Variants in SMAD2 observed in about 807,000 individuals in gnomAD.
SMAD2 encodes the protein MAD homolog 2.
SMAD2 carries 8 observed loss-of-function variants against 64.4 expected under a neutral mutation model. The observed-to-expected ratio is 0.12, with a 90% CI of 0.07 to 0.22. The LOEUF (loss-of-function observed/expected upper bound fraction) is 0.22, where lower values mean the gene tolerates loss of function less well. SMAD2 is among the 10% of genes least tolerant of loss of function. SMAD2 has a pLI of 1.00. For synonymous variants in SMAD2, 203 were observed against 195.8 expected (o/e 1.04, Z -0.31); for missense variants, 289 against 561.2 (o/e 0.51, Z 4.90).
chr18:47,820,740 T>G lies in SMAD2; in HGVS notation c.*21087A>C, dbSNP rs189663565. On this transcript the variant is annotated 3_prime_UTR_variant, in exon 11 of 11. Transcript: ENST00000262160. ...AAGGATACATTTATGAAAGGAGTTGTGTGTAATGAAGTTGGCAATAGGTCA... is the reference window on the plus strand; with the variant it reads ...AAGGATACATTTATGAAAGGAGTTGGGTGTAATGAAGTTGGCAATAGGTCA... The G allele has an allele frequency of 3.3e-5, 5 of 152,310 alleles. No homozygotes were observed. The allele number at this position is 152,310 out of a possible 1,614,324, so 9.4% of individuals were successfully genotyped here.
intron 3 of SMAD2, among the ~76,000 whole-genome samples, chr18:47,869,893 TG>T (rs2031828088): frequency 6.6e-6 from 1 of 152,176 alleles, no homozygotes; most frequent in Non-Finnish European, 1.5e-5. Context: ...CTCAGACTAC[TG>T]CAACTCTTTA....
chr18:47,845,873 G>A (rs1160371609), intron 8 of SMAD2, 73 bp from the exon 9 acceptor site: 1 of 1,363,920 alleles, frequency 7.3e-7, no homozygotes, highest in South Asian at 1.2e-5. Flanking sequence ...GCATTTTCTT[G>A]GAAAAATTCT....
At position 47,811,005 on chromosome 18, in the gene SMAD2, C is replaced by T. The variant is rs1486688844; in HGVS notation, c.*30822G>A. 6.6e-6 allele frequency: 1 copy of T among 152,198 alleles called. No homozygotes were observed. The highest frequency in any genetic ancestry group is 1.9e-4 in the East Asian group (1 of 5,184). The allele number at this position is 152,198 out of a possible 1,614,324, so 9.4% of individuals were successfully genotyped here. A position where few individuals can be genotyped will look rare whatever the true frequency, so the allele number is the denominator to read the frequency against. On this transcript the variant is annotated 3_prime_UTR_variant, in exon 11 of 11. Coordinates refer to ENST00000262160, the MANE Select transcript of SMAD2 (RefSeq NM_005901.6). ...TGTTGGCATGAGCACTACGATCCCC[C>T]AAGGAGTGGAATGCAGTAGCTACAG...
intron 8 of SMAD2, among the ~76,000 whole-genome samples, chr18:47,847,235 C>A (rs1464389934): frequency 2.6e-5 from 4 of 151,990 alleles, no homozygotes; most frequent in African/African-American, 4.8e-5. Flanking sequence ...ATAAGATTAT[C>A]CAAATTTATA....
intron 2 of SMAD2, among the ~76,000 whole-genome samples, chr18:47,891,876 T>G: frequency 6.6e-6 from 1 of 152,142 alleles, no homozygotes; most frequent in Non-Finnish European, 1.5e-5. Flanking sequence ...GTGCTGACTA[T>G]AAAAGTGATA....
intron 6 of SMAD2, among the ~76,000 whole-genome samples, chr18:47,859,388 T>C (rs1194758205): frequency 3.9e-5 from 6 of 152,162 alleles, no homozygotes; most frequent in Non-Finnish European, 8.8e-5. Context: ...TCCAACTATA[T>C]ATGGAACTCT....
intron 1 of SMAD2, among the ~76,000 whole-genome samples, chr18:47,914,691 G>A (rs998793795): frequency 2.0e-5 from 3 of 151,936 alleles, no homozygotes; most frequent in African/African-American, 7.3e-5. Context: ...CTGATCACAC[G>A]CATTCTGTTA....
chr18:47,829,426 G>C lies in SMAD2; in HGVS notation c.*12401C>G, dbSNP rs1045228087. 4 of 149,308 alleles carry C rather than the reference G, an allele frequency of 2.7e-5. No individual in the cohort carries two copies. Among genetic ancestry groups the C allele is most frequent in the African/African-American group, 7.4e-5 (3 of 40,776 alleles). The allele number at this position is 149,308 out of a possible 1,614,324, so 9.2% of individuals were successfully genotyped here. On this transcript the variant is annotated 3_prime_UTR_variant, in exon 11 of 11. Coordinates refer to ENST00000262160, the MANE Select transcript of SMAD2 (RefSeq NM_005901.6). ...AAAAAAGCACATCCACTTTTACAAT[G>C]GTCACATACAAATGGGGAAAGAGTG... is the stretch of plus-strand genomic sequence containing the variant.
chr18:47,924,248 CAAAAAA>C (rs201933597), intron 1 of SMAD2, among the ~76,000 whole-genome samples: 1 of 99,758 alleles, frequency 1.0e-5, no homozygotes, highest in African/African-American at 4.0e-5. Flanking sequence ...AACTCCGTCT[CAAAAAA>C]AAAAAAAAAA....
rs948468007 is a variant in SMAD2, at chr18:47,823,013, A to G, written c.*18814T>C. On this transcript the variant is annotated 3_prime_UTR_variant, in exon 11 of 11. Coordinates refer to ENST00000262160, the MANE Select transcript of SMAD2 (RefSeq NM_005901.6). The stretch of plus-strand genomic sequence containing the variant: ...CCTATTTGTGAGTACTCTTAAGGCA[A>G]TATGATTTGCCTAAGTTCAATAAAA... 1.4e-4 allele frequency: 21 copies of G among 152,196 alleles called. No individual in the cohort carries two copies. Among genetic ancestry groups the G allele is most frequent in the African/African-American group, 4.8e-4 (20 of 41,454 alleles). 9.4% of individuals were successfully genotyped at this position (152,196 alleles called of 1,614,324 possible).
chr18:47,926,150 T>C (rs2034753762), intron 1 of SMAD2, among the ~76,000 whole-genome samples: 2 of 152,234 alleles, frequency 1.3e-5, no homozygotes, highest in Non-Finnish European at 1.5e-5. Context: ...GCTGTCTGAA[T>C]GGCAAAACAA....
At chr18:47,889,231 C>T (rs536983803) in intron 2 of SMAD2, among the ~76,000 whole-genome samples, 1 of 152,286 alleles carries the variant, frequency 6.6e-6, no homozygotes, top group African/African-American at 2.4e-5. Flanking sequence ...TCTCACCTCT[C>T]TCCATAGTCC....
At chr18:47,869,716 G>A (rs1033314258) in intron 3 of SMAD2, among the ~76,000 whole-genome samples, 1 of 152,276 alleles carries the variant, frequency 6.6e-6, no homozygotes, top group South Asian at 2.1e-4. Context: ...TTAAAAAAGA[G>A]AGTTTATGCA....
chr18:47,884,845 A>G (rs1274538403), intron 2 of SMAD2, among the ~76,000 whole-genome samples: 1 of 152,136 alleles, frequency 6.6e-6, no homozygotes, highest in Non-Finnish European at 1.5e-5. Context: ...ATTGAAAAAA[A>G]CTTTCTCAAT....
chr18:47,867,950 G>A (rs566748030), intron 5 of SMAD2, among the ~76,000 whole-genome samples: 5 of 152,114 alleles, frequency 3.3e-5, no homozygotes, highest in African/African-American at 4.8e-5. Flanking sequence ...ATCATTGGGT[G>A]GATATTCAGT....
At chr18:47,868,718 A>G (rs1358518341) in intron 4 of SMAD2, among the ~76,000 whole-genome samples, 4 of 152,176 alleles carry the variant, frequency 2.6e-5, no homozygotes, top group Non-Finnish European at 5.9e-5. Context: ...ATATTACCAT[A>G]AAAGTTCATA....
At chr18:47,910,032 G>T (rs1568107635) in intron 1 of SMAD2, among the ~76,000 whole-genome samples, 1 of 152,130 alleles carries the variant, frequency 6.6e-6, no homozygotes, top group Non-Finnish European at 1.5e-5. Context: ...AGATGCCATT[G>T]CTGTTATAGA....
intron 7 of SMAD2, among the ~76,000 whole-genome samples, chr18:47,850,782 ATATAT>A (rs1180216696): frequency 1.4e-4 from 1 of 7,004 alleles, no homozygotes. Flanking sequence ...TATGTATAAT[ATATAT>A]TATATATTAT....
At chr18:47,907,223 A>AT (rs753331706) in intron 1 of SMAD2, among the ~76,000 whole-genome samples, 2 of 152,256 alleles carry the variant, frequency 1.3e-5, no homozygotes, top group East Asian at 3.8e-4. Flanking sequence ...AGAAACCTGT[A>AT]TAAGAATGTT....
Sources: gnomAD v4.1 joint callset for allele counts (sites outside exome capture counted in the v4.1 genomes callset) on GRCh38, gnomAD v4.1.1 for gene constraint, MANE v1.5 for transcripts, NCBI Gene and HGNC (gene_info 2026-07-23, HGNC 2026-07-21) for gene names.